The following LRRC57 variants were observed in gnomAD, a reference collection of about 807,000 sequenced individuals.
LRRC57 encodes leucine-rich repeat-containing protein 57.
Under a neutral mutation model 23.1 loss-of-function variants are expected in LRRC57, and 14 were observed. The observed-to-expected ratio is 0.61, with a 90% CI of 0.40 to 0.95. LRRC57 has a LOEUF of 0.95. LRRC57 is among the 40% of genes least tolerant of loss of function. The probability of loss-of-function intolerance (pLI) is 0.00; values close to 1 mark genes in which losing one functional copy is unlikely to be tolerated. For synonymous variants in LRRC57, 106 were observed against 115.2 expected (o/e 0.92, Z 0.51); for missense variants, 236 against 284.4 (o/e 0.83, Z 1.22).
chr15:42,530,742 C>T, the LRRC57 span, among the ~76,000 whole-genome samples: 2 of 151,982 alleles, frequency 1.3e-5, no homozygotes, highest in African/African-American at 4.8e-5. Context: ...AGAGTGAGAC[C>T]CTTTCTCAAA....
Position 42,547,494 on chromosome 15 carries a change from GT to G in LRRC57, c.258del (p.Lys86AsnfsTer2). On this transcript the variant is annotated frameshift_variant, in exon 4 of 6. Transcript: ENST00000397130. LOFTEE classifies it high-confidence loss of function. ...TTGTTGTTTAGGCTTAGCGTCTCTA[GT>G]TTTTTCAGATTGCATATCTCATCAG... ...VLPDEICNLK[K>X]LETLSLNNNH... is the part of the protein sequence containing the mutation. 6.2e-7 allele frequency: 1 copy of G among 1,613,468 alleles called. No individual in the cohort carries two copies. The highest frequency in any genetic ancestry group is 8.5e-7 in the Non-Finnish European group (1 of 1,179,536).
chr15:42,547,167 A>G (rs774637889), intron 4 of LRRC57, 94 bp downstream of exon 4: 188 of 1,367,206 alleles, frequency 1.4e-4, no homozygotes, highest in Non-Finnish European at 1.8e-4. Context: ...ACTTAGCTCT[A>G]TGATGGCAGT....
chr15:42,528,620 GTGT>G, the LRRC57 span, among the ~76,000 whole-genome samples: 1 of 152,116 alleles, frequency 6.6e-6, no homozygotes. Context: ...GAGTCTTGCT[GTGT>G]TGCCCAGGCT....
At chr15:42,535,459 T>C (rs1055794354), downstream of LRRC57, among the ~76,000 whole-genome samples, 1 of 152,024 alleles carries the variant, frequency 6.6e-6, no homozygotes, top group East Asian at 1.9e-4. Flanking sequence ...TTTTTTTTTT[T>C]TTTTGAGACA....
At position 42,548,405 on chromosome 15, in the gene LRRC57, C is replaced by T; in HGVS notation, c.30G>A (p.Val10=). ...AGACACCAGTTTTCTGCGCCGTTTC[C>T]ACATGAGCGCGGAGCGCACTGTTTC... MGNSALRAH[V]ETAQKTGVFQ... is the part of the protein sequence containing the mutation. Residue 10 remains valine (V), a synonymous_variant, in exon 2 of 6, where the codon GTG becomes GTA. Coordinates refer to ENST00000397130, the MANE Select transcript of LRRC57 (RefSeq NM_153260.3). 6.2e-7 allele frequency: 1 copy of T among 1,614,150 alleles called. No homozygotes were observed. The highest frequency in any genetic ancestry group is 8.5e-7 in the Non-Finnish European group (1 of 1,180,044).
intron 3 of LRRC57, chr15:42,547,764 C>CA: frequency 1.8e-6 from 1 of 550,114 alleles, no homozygotes; most frequent in Non-Finnish European, 3.2e-6. Flanking sequence ...TAAAGGGGCC[C>CA]AAGGCACAAT....
downstream of LRRC57, among the ~76,000 whole-genome samples, chr15:42,537,662 G>C (rs2057607431): frequency 6.6e-6 from 1 of 152,112 alleles, no homozygotes; most frequent in Non-Finnish European, 1.5e-5. Flanking sequence ...ACAGATGAAT[G>C]GATAAGGGAA....
At chr15:42,545,393 A>G in intron 4 of LRRC57, 131 bp from the exon 5 acceptor site, 1 of 512,688 alleles carries the variant, frequency 2.0e-6, no homozygotes. Context: ...TACCACCTCC[A>G]TTTTCTCACT....
downstream of LRRC57, among the ~76,000 whole-genome samples, chr15:42,534,493 C>T (rs1476457374): frequency 6.6e-6 from 1 of 152,162 alleles, no homozygotes; most frequent in Non-Finnish European, 1.5e-5. Context: ...CTTCCAAACC[C>T]GTGTTAATGT....
chr15:42,531,513 T>G, the LRRC57 span: 1 of 1,491,626 alleles, frequency 6.7e-7, no homozygotes, highest in Non-Finnish European at 9.2e-7. Flanking sequence ...TTTATTCACT[T>G]CCGTAGCTCC....
At chr15:42,548,300 C>T (rs1180235175) in intron 2 of LRRC57, 51 bp downstream of exon 2, 2 of 1,613,806 alleles carry the variant, frequency 1.2e-6, no homozygotes, top group South Asian at 2.2e-5. Context: ...TTCGCCGCCC[C>T]CGCCGTCCCT....
rs1031199223 is a variant in LRRC57 at position 42,543,067 on chromosome 15, C to T, written c.*1016G>A. ...TGTATTTTCAGTAGAGACAGGGTTT[C>T]ACCATGTTGGCCAGGCTGGTCTCGA... On this transcript the variant is annotated 3_prime_UTR_variant, in exon 6 of 6. Coordinates refer to ENST00000397130, the MANE Select transcript of LRRC57 (RefSeq NM_153260.3). 8.6e-5 allele frequency: 13 copies of T among 151,982 alleles called. No homozygotes were observed. Among genetic ancestry groups the T allele is most frequent in the African/African-American group, 3.1e-4 (13 of 41,338 alleles). The allele number at this position is 151,982 out of a possible 1,614,324, so 9.4% of individuals were successfully genotyped here.
At chr15:42,528,459 AT>A in the LRRC57 span, 1 of 1,601,962 alleles carries the variant, frequency 6.2e-7, no homozygotes, top group South Asian at 1.1e-5. Flanking sequence ...ACCTTTCTTA[AT>A]GAATGGTTCA....
chr15:42,548,224 C>T lies in LRRC57; in HGVS notation c.105G>A (p.Lys35=), dbSNP rs751390636. The change falls in exon 3 of 6, where the codon AAG becomes AAA. Residue 35 remains lysine (K), a synonymous_variant. Coordinates refer to ENST00000397130, the MANE Select transcript of LRRC57 (RefSeq NM_153260.3). ...GLTEFPADLQ[K]LTSNLRTIDL... ...CGATGGTCCTGAGATTGCTCGTCAG[C>T]TTCTGCAAGTCTGCGGGGAACTGGA... is the stretch of plus-strand genomic sequence containing the variant. 1 of 1,614,216 alleles carries T rather than the reference C, an allele frequency of 6.2e-7. No individual in the cohort carries two copies. Among genetic ancestry groups the T allele is most frequent in the South Asian group, 1.1e-5 (1 of 91,086 alleles).
the LRRC57 span, chr15:42,531,304 C>A: frequency 1.6e-6 from 1 of 620,658 alleles, no homozygotes; most frequent in Non-Finnish European, 2.6e-6. Flanking sequence ...AATGTAACTT[C>A]ACGTGGTTTC....
At chr15:42,529,581 G>T in the LRRC57 span, 1 of 1,267,500 alleles carries the variant, frequency 7.9e-7, no homozygotes. Flanking sequence ...TACTTGCTGA[G>T]AGTCATTTTG....
downstream of LRRC57, among the ~76,000 whole-genome samples, chr15:42,535,222 T>C (rs1471030712): frequency 3.3e-5 from 5 of 152,242 alleles, no homozygotes; most frequent in East Asian, 5.8e-4. Flanking sequence ...CTTACACTTT[T>C]ATGTTAACAG....
At position 42,538,191 on chromosome 15, in the gene LRRC57, TA is replaced by T. The variant is rs1156518047; in HGVS notation, c.*5891del. The stretch of plus-strand genomic sequence containing the variant: ...GAACAAATATATATCAGAAAAATAG[TA>T]AAGTGAAAAAGGAAAACAAAGTAGC... On this transcript the variant is annotated 3_prime_UTR_variant, in exon 6 of 6. Coordinates refer to ENST00000397130, the MANE Select transcript of LRRC57 (RefSeq NM_153260.3). The T allele has an allele frequency of 6.6e-6, 1 of 152,108 alleles. No individual in the cohort carries two copies. Among genetic ancestry groups the T allele is most frequent in the African/African-American group, 2.4e-5 (1 of 41,420 alleles). 9.4% of individuals were successfully genotyped at this position (152,108 alleles called of 1,614,324 possible). A position where few individuals can be genotyped will look rare whatever the true frequency, so the allele number is the denominator to read the frequency against.
intron 5 of LRRC57, 50 bp downstream of exon 5, chr15:42,545,027 T>C (rs1394670872): frequency 7.5e-7 from 1 of 1,341,696 alleles, no homozygotes. Flanking sequence ...ACTTCACCAT[T>C]GTCTTCTCTG....
Sources: allele counts gnomAD v4.1 joint callset (sites outside exome capture counted in the v4.1 genomes callset), GRCh38; gene constraint gnomAD v4.1.1; transcripts MANE v1.5; gene names NCBI Gene and HGNC (gene_info 2026-07-23, HGNC 2026-07-21).